MRTFB: variants seen among roughly 807,000 people sequenced by gnomAD.
MRTFB encodes myocardin-related transcription factor B.
A neutral mutation model predicts 104.2 loss-of-function variants in MRTFB; 29 were observed. That is an observed-to-expected ratio of 0.28 (90% confidence interval 0.21 to 0.38). MRTFB has a LOEUF of 0.38. Among genes scored for constraint, MRTFB ranks in the 10% least tolerant of loss-of-function variants. The pLI, the probability that MRTFB is intolerant of heterozygous loss-of-function variation, is 1.00. For missense variants in MRTFB, 1,270 were observed against 1,341.6 expected, an observed-to-expected ratio of 0.95 and a Z score of 0.83; for synonymous variants, 535 against 519.5, an observed-to-expected ratio of 1.03 and a Z score of -0.41.
chr16:14,028,871 C>T, the MRTFB span, among the ~76,000 whole-genome samples: 2 of 152,192 alleles, frequency 1.3e-5, no homozygotes, highest in African/African-American at 4.8e-5. Context: ...ATCCTTTCAC[C>T]TTACTCCTCA....
At chr16:14,098,283 G>A (rs897808477) in intron 2 of MRTFB, among the ~76,000 whole-genome samples, 1 of 152,154 alleles carries the variant, frequency 6.6e-6, no homozygotes, top group Non-Finnish European at 1.5e-5. Flanking sequence ...TCTAATAGAT[G>A]TGTAGAAGTA....
intron 3 of MRTFB, among the ~76,000 whole-genome samples, chr16:14,158,936 G>A (rs1316719899): frequency 6.8e-6 from 1 of 148,018 alleles, no homozygotes; most frequent in African/African-American, 2.5e-5. Flanking sequence ...GTTCAAGATA[G>A]CAAGGGCAAC....
At chr16:14,065,881 T>C in the MRTFB span, among the ~76,000 whole-genome samples, 5 of 152,342 alleles carry the variant, frequency 3.3e-5, no homozygotes, top group East Asian at 7.7e-4. Context: ...TTCTCTCTGA[T>C]GCATCCTTCA....
intron 8 of MRTFB, among the ~76,000 whole-genome samples, chr16:14,232,697 G>C (rs143985768): frequency 9.8e-5 from 15 of 152,316 alleles, no homozygotes; most frequent in Admixed American, 4.6e-4. Context: ...GGTCTCAGCG[G>C]GGCTTGAGAA....
chr16:14,187,132 C>T (rs2039984945), intron 3 of MRTFB: 1 of 945,436 alleles, frequency 1.1e-6, no homozygotes, highest in South Asian at 1.6e-5. Flanking sequence ...TGTCTGCTCT[C>T]TCTGTTCACT....
intron 3 of MRTFB, chr16:14,142,568 A>C (rs1032551248): frequency 2.0e-4 from 30 of 152,230 alleles, no homozygotes; most frequent in African/African-American, 7.0e-4. Flanking sequence ...ATCTTTTAAG[A>C]ACCCACATTT....
intron 2 of MRTFB, among the ~76,000 whole-genome samples, chr16:14,122,924 C>T (rs1322391584): frequency 6.6e-6 from 1 of 152,198 alleles, no homozygotes; most frequent in Non-Finnish European, 1.5e-5. Flanking sequence ...AAAAGCATTC[C>T]TATTTCTCCA....
chr16:14,068,432 T>C (rs1025287146), upstream of MRTFB, among the ~76,000 whole-genome samples: 6 of 152,198 alleles, frequency 3.9e-5, no homozygotes, highest in African/African-American at 1.4e-4. Flanking sequence ...GGGGATTTTC[T>C]GTTTCATAAA....
chr16:14,104,702 T>G (rs995068819), intron 2 of MRTFB, among the ~76,000 whole-genome samples: 3 of 152,240 alleles, frequency 2.0e-5, no homozygotes, highest in African/African-American at 7.2e-5. Context: ...TTTTAAAACA[T>G]AAGCATGAGA....
chr16:14,015,124 C>T, the MRTFB span, among the ~76,000 whole-genome samples: 1 of 152,076 alleles, frequency 6.6e-6, no homozygotes, highest in Non-Finnish European at 1.5e-5. Context: ...TATAAAGTTT[C>T]CCTGGGAAAG....
chr16:14,021,078 C>T, the MRTFB span: 2 of 152,240 alleles, frequency 1.3e-5, no homozygotes, highest in Non-Finnish European at 2.9e-5. Context: ...CTGCTATTCA[C>T]TTGTAGTGCA....
At chr16:14,157,990 T>C (rs550395186) in intron 3 of MRTFB, among the ~76,000 whole-genome samples, 1 of 152,370 alleles carries the variant, frequency 6.6e-6, no homozygotes, top group South Asian at 2.1e-4. Flanking sequence ...TTTAATGTGT[T>C]ATTGCAGAAT....
intron 15 of MRTFB, among the ~76,000 whole-genome samples, chr16:14,252,735 G>T (rs905402671): frequency 6.6e-6 from 1 of 152,134 alleles, no homozygotes; most frequent in Non-Finnish European, 1.5e-5. Flanking sequence ...GAAATTAAGG[G>T]TTTATCTCTT....
intron 2 of MRTFB, among the ~76,000 whole-genome samples, chr16:14,125,737 A>C (rs2037075832): frequency 6.6e-6 from 1 of 152,096 alleles, no homozygotes; most frequent in African/African-American, 2.4e-5. Context: ...CGTCTGTCTG[A>C]GGTTTATAAT....
At chr16:14,207,343 T>C (rs2040994524) in intron 3 of MRTFB, among the ~76,000 whole-genome samples, 1 of 152,242 alleles carries the variant, frequency 6.6e-6, no homozygotes, top group Non-Finnish European at 1.5e-5. Context: ...TGTGTTGTTT[T>C]ATTTTAATAA....
chr16:14,000,230 C>T, the MRTFB span, among the ~76,000 whole-genome samples: 5 of 152,240 alleles, frequency 3.3e-5, no homozygotes, highest in South Asian at 2.1e-4. Flanking sequence ...CTCTCTGCTT[C>T]GGGGACAGAA....
intron 2 of MRTFB, among the ~76,000 whole-genome samples, chr16:14,136,738 G>A (rs1394783170): frequency 1.3e-5 from 2 of 151,326 alleles, no homozygotes; most frequent in African/African-American, 4.8e-5. Context: ...AAATGAAAGT[G>A]TAATGCCTCT....
At chr16:14,149,343 AG>A in intron 3 of MRTFB, 1 of 152,228 alleles carries the variant, frequency 6.6e-6, no homozygotes, top group Non-Finnish European at 1.5e-5. Flanking sequence ...AAAAGCAAAA[AG>A]TCTGATTCAC....
chr16:14,072,993 A>G (rs918523893), intron 1 of MRTFB, among the ~76,000 whole-genome samples: 2 of 152,208 alleles, frequency 1.3e-5, no homozygotes, highest in Non-Finnish European at 2.9e-5. Flanking sequence ...CAATATCAGT[A>G]TCTCACTTGT....
Sources: allele counts gnomAD v4.1 joint callset (sites outside exome capture counted in the v4.1 genomes callset), GRCh38; gene constraint gnomAD v4.1.1; transcripts MANE v1.5; gene names NCBI Gene and HGNC (gene_info 2026-07-23, HGNC 2026-07-21).